ZFAND4: variants seen among roughly 807,000 people sequenced by gnomAD.
The protein encoded by ZFAND4 is AN1-type zinc finger protein 4.
In ZFAND4, 43 loss-of-function variants were observed where a neutral mutation model predicts 64.4. The ratio of observed to expected loss-of-function variants is 0.67; its 90% confidence interval spans 0.52 to 0.86. The LOEUF is 0.86. Ranked by LOEUF, ZFAND4 falls within the 40% of genes least tolerant of loss-of-function variation. ZFAND4 has a pLI of 0.00. For synonymous variants in ZFAND4, 296 were observed against 305.7 expected (o/e 0.97, Z 0.33); for missense variants, 929 against 859.8 (o/e 1.08, Z -1.01).
intron 5 of ZFAND4, among the ~76,000 whole-genome samples, chr10:45,641,970 G>A (rs1239972097): frequency 6.6e-6 from 1 of 152,132 alleles, no homozygotes; most frequent in Non-Finnish European, 1.5e-5. Flanking sequence ...CAAATGACAG[G>A]ACTTACTGCA....
rs1313304860 is a variant in ZFAND4 at position 45,626,259 on chromosome 10, T to C, written c.1564A>G (p.Arg522Gly). 3 of 1,614,050 alleles carry C rather than the reference T, an allele frequency of 1.9e-6. No individual in the cohort carries two copies. The highest frequency in any genetic ancestry group is 2.7e-5 in the African/African-American group (2 of 74,932). Residue 522 changes from arginine (R) to glycine (G), a missense_variant, in exon 7 of 10, where the codon AGG becomes GGG. Coordinates refer to ENST00000344646, the MANE Select transcript of ZFAND4 (RefSeq NM_174890.4). The stretch of plus-strand genomic sequence containing the variant: ...TTAACACCTTGAAAGCAAGTAGTCC[T>C]AGAGAAAGAAGAATCAGTTATGTTT... Reference protein sequence around the residue: ...VQNITDSSFSRTTCFQGVKVD... With the variant: ...VQNITDSSFSGTTCFQGVKVD...
At chr10:45,631,774 T>C (rs892892586) in intron 6 of ZFAND4, among the ~76,000 whole-genome samples, 1 of 152,238 alleles carries the variant, frequency 6.6e-6, no homozygotes, top group Non-Finnish European at 1.5e-5. Flanking sequence ...TACACTGATC[T>C]GATGTTTACA....
Position 45,648,346 on chromosome 10 carries a change from T to G in ZFAND4, c.517A>C (p.Lys173Gln). ...AGGACATGCAAATGAAAATCTATTT[T>G]CTTTGAAGAGTCAGATAACGGTGTT... is the stretch of plus-strand genomic sequence containing the variant. ...TLTPLSDSSK[K>Q]IDFHLHVLRR... The change falls in exon 5 of 10, where the codon AAA becomes CAA. Residue 173 changes from lysine to glutamine, a missense_variant. Lys to Gln is a moderately conservative substitution (Grantham distance 53). Transcript: ENST00000344646. 6.2e-7 allele frequency: 1 copy of G among 1,613,872 alleles called. No homozygotes were observed.
At chr10:45,660,557 A>G (rs555067997) in intron 2 of ZFAND4, among the ~76,000 whole-genome samples, 1 of 152,316 alleles carries the variant, frequency 6.6e-6, no homozygotes, top group African/African-American at 2.4e-5. Context: ...CACAGATCCA[A>G]GAAGCTCAGA....
intron 2 of ZFAND4, chr10:45,662,641 T>C: frequency 1.0e-6 from 1 of 985,470 alleles, no homozygotes; most frequent in Non-Finnish European, 1.2e-6. Context: ...ATGTGGTCAC[T>C]GGACTCGGCC....
chr10:45,663,055 A>T (rs2048576907), intron 2 of ZFAND4, among the ~76,000 whole-genome samples: 1 of 151,990 alleles, frequency 6.6e-6, no homozygotes, highest in Admixed American at 6.6e-5. Flanking sequence ...CTGCTATACT[A>T]AGGGAACTTT....
At chr10:45,669,581 A>T (rs544112590) in intron 1 of ZFAND4, among the ~76,000 whole-genome samples, 33 of 152,352 alleles carry the variant, frequency 2.2e-4, no homozygotes, top group South Asian at 1.7e-3. Flanking sequence ...CAACAAAAAA[A>T]GAGAATTTTA....
chr10:45,647,431 T>TG (rs1481408457), intron 5 of ZFAND4, among the ~76,000 whole-genome samples: 5 of 151,692 alleles, frequency 3.3e-5, no homozygotes, highest in Admixed American at 1.3e-4. Context: ...GCTGTTTTTT[T>TG]TTTTTTTTTT....
intron 6 of ZFAND4, among the ~76,000 whole-genome samples, chr10:45,629,766 G>A (rs560107123): frequency 6.6e-6 from 1 of 152,260 alleles, no homozygotes; most frequent in African/African-American, 2.4e-5. Flanking sequence ...GGGAGGCTGA[G>A]GTGGGAGGAT....
At position 45,616,530 on chromosome 10, in the gene ZFAND4, G is replaced by A. The variant is rs757990945; in HGVS notation, c.2090C>T (p.Thr697Ile). The change falls in exon 10 of 10, where the codon ACT (threonine) becomes ATT (isoleucine). Residue 697 changes from threonine (T) to isoleucine (I), a missense_variant. Transcript: ENST00000344646. Reference protein sequence around the residue: ...NFCASHRYAETHGCTYDYKSA... With the variant: ...NFCASHRYAEIHGCTYDYKSA... Reference sequence around the variant, plus strand: ...CTTGTAATCATAGGTACAGCCATGAGTTTCTGCATAACGATGAGATGCACA... The same window carrying A: ...CTTGTAATCATAGGTACAGCCATGAATTTCTGCATAACGATGAGATGCACA... The A allele has an allele frequency of 6.2e-7, 1 of 1,614,184 alleles. No individual in the cohort carries two copies. The highest frequency in any genetic ancestry group is 8.5e-7 in the Non-Finnish European group (1 of 1,180,028).
rs1181379701 is a variant in ZFAND4, at chr10:45,626,307, A to T, written c.1516T>A (p.Ser506Thr). The change falls in exon 7 of 10, where the codon TCT becomes ACT. Residue 506 changes from serine (S) to threonine (T), a missense_variant. By Grantham distance (58) the Ser-to-Thr change is moderately conservative. Coordinates refer to ENST00000344646, the MANE Select transcript of ZFAND4 (RefSeq NM_174890.4). Reference sequence around the variant, plus strand: ...TTTTGAACATCCAGTGACTGAGAAGAAGAAGGCTGTAGCTTCCCAAACTCA... The same window carrying T: ...TTTTGAACATCCAGTGACTGAGAAGTAGAAGGCTGTAGCTTCCCAAACTCA... Reference protein sequence around the residue: ...CFEFGKLQPSSSQSLDVQNIT... With the variant: ...CFEFGKLQPSTSQSLDVQNIT... 3.7e-6 allele frequency: 6 copies of T among 1,614,096 alleles called. No individual in the cohort carries two copies. The Admixed American group carries it at 6.7e-5, about 18-fold the overall frequency.
At position 45,626,848 on chromosome 10, in the gene ZFAND4, A is replaced by G. The variant is rs2045868469; in HGVS notation, c.975T>C (p.Asn325=). The G allele has an allele frequency of 1.9e-6, 3 of 1,614,096 alleles. No homozygotes were observed. Among genetic ancestry groups the G allele is most frequent in the South Asian group, 2.2e-5 (2 of 91,096 alleles). ...TGCTACTGAAGTGAGACAGTGTGTT[A>G]TTCTCCCAGCTATTATCTTCCTTAA... ...EFLKEDNSWE[N]NTLSHFSSNV... is the part of the protein sequence containing the mutation. Residue 325 remains asparagine (N), a synonymous_variant, in exon 7 of 10, where the codon AAT becomes AAC. Coordinates refer to ENST00000344646, the MANE Select transcript of ZFAND4 (RefSeq NM_174890.4).
intron 6 of ZFAND4, among the ~76,000 whole-genome samples, chr10:45,637,980 C>G (rs1279333190): frequency 1.3e-5 from 2 of 152,030 alleles, no homozygotes; most frequent in African/African-American, 4.8e-5. Flanking sequence ...AAGACTTGAA[C>G]AGGCACTTCA....
chr10:45,626,714 A>C lies in ZFAND4; in HGVS notation c.1109T>G (p.Phe370Cys), dbSNP rs758504179. The change falls in exon 7 of 10, where the codon TTT becomes TGT. Residue 370 changes from phenylalanine (F) to cysteine (C), a missense_variant. Physicochemically the swap from Phe to Cys is radical, Grantham distance 205. Transcript: ENST00000344646. ...ATTACTAGATGGCAAGTTTCCTAAA[A>C]AATGTTTTGTTTGCCTAGGCAGGGA... ...GSSLPRQTKH[F>C]LGNLPSSNGN... 6.2e-7 allele frequency: 1 copy of C among 1,614,116 alleles called. No homozygotes were observed. The highest frequency in any genetic ancestry group is 1.3e-5 in the African/African-American group (1 of 74,934).
chr10:45,665,652 TCAC>T lies in ZFAND4; in HGVS notation c.-117-1813_-117-1811del, dbSNP rs549874449. ...TGATGTACACAGAGTTGTGCAACAATCACCACATTTGCTTTAGAAAATTTTCAT... is the reference window on the plus strand; with the variant it reads ...TGATGTACACAGAGTTGTGCAACAATCACATTTGCTTTAGAAAATTTTCAT... On this transcript the variant is annotated intron_variant, in intron 1 of 9. Coordinates refer to ENST00000344646, the MANE Select transcript of ZFAND4 (RefSeq NM_174890.4). Among the ~76,000 whole-genome samples the T allele has an allele frequency of 4.2e-3, 642 of 152,304 alleles. 4 individuals carry two copies. The highest frequency in any genetic ancestry group is 0.015 in the African/African-American group (604 of 41,560).
rs190308967 is a variant in ZFAND4, at chr10:45,640,548, T to C, written c.570-585A>G. On this transcript the variant is annotated intron_variant, in intron 5 of 9. Transcript: ENST00000344646. ...CTCTTGTCGCCAGGCTGGAGTGCAA[T>C]GGCACAATCTCGGCTCACTGCAACC... 2.6e-5 allele frequency: 16 copies of C among 609,572 alleles called. No homozygotes were observed. The Admixed American group carries it at 5.7e-4, about 22-fold the overall frequency. 37.8% of individuals were successfully genotyped at this position (609,572 alleles called of 1,614,324 possible). A position where few individuals can be genotyped will look rare whatever the true frequency, so the allele number is the denominator to read the frequency against.
chr10:45,647,841 T>A (rs2047493138), intron 5 of ZFAND4, among the ~76,000 whole-genome samples: 1 of 152,204 alleles, frequency 6.6e-6, no homozygotes, highest in African/African-American at 2.4e-5. Flanking sequence ...CCTTGTCCAA[T>A]TCTCTAATTC....
intron 8 of ZFAND4, among the ~76,000 whole-genome samples, chr10:45,619,859 C>A (rs1212523101): frequency 2.0e-5 from 3 of 152,178 alleles, no homozygotes; most frequent in African/African-American, 4.8e-5. Context: ...GGTACCAACT[C>A]AGTTAATAAA....
At chr10:45,655,481 C>A (rs2048036713) in intron 2 of ZFAND4, among the ~76,000 whole-genome samples, 1 of 152,072 alleles carries the variant, frequency 6.6e-6, no homozygotes, top group Admixed American at 6.6e-5. Flanking sequence ...ACAAACCAAA[C>A]CCACAGCTAG....
Sources: gnomAD v4.1 joint callset for allele counts (sites outside exome capture counted in the v4.1 genomes callset) on GRCh38, gnomAD v4.1.1 for gene constraint, MANE v1.5 for transcripts, NCBI Gene and HGNC (gene_info 2026-07-23, HGNC 2026-07-21) for gene names.